Variants in KIF26B observed in about 807,000 individuals in gnomAD.
KIF26B encodes kinesin-like protein KIF26B.
Under a neutral mutation model 151.2 loss-of-function variants are expected in KIF26B, and 63 were observed. That is an observed-to-expected ratio of 0.42 (90% CI 0.34 to 0.51). KIF26B has a LOEUF of 0.51. Among genes scored for constraint, KIF26B ranks in the 20% least tolerant of loss-of-function variants. The pLI is 0.07. For missense variants in KIF26B, 2,813 were observed against 2,913.6 expected (o/e 0.97, Z 0.79); for synonymous variants, 1,357 against 1,262.1 (o/e 1.08, Z -1.59).
intron 3 of KIF26B, among the ~76,000 whole-genome samples, chr1:245,392,221 A>G (rs1320676558): frequency 1.3e-5 from 2 of 152,170 alleles, no homozygotes; most frequent in African/African-American, 4.8e-5. Context: ...CTCTTTCGCC[A>G]CCACCCACCC....
intron 9 of KIF26B, among the ~76,000 whole-genome samples, chr1:245,642,758 G>T (rs561727450): frequency 6.6e-6 from 1 of 152,198 alleles, no homozygotes; most frequent in African/African-American, 2.4e-5. Context: ...TCTCAGCTCA[G>T]AGGGGTGTGT....
At chr1:245,238,022 T>C (rs1352808444) in intron 2 of KIF26B, among the ~76,000 whole-genome samples, 1 of 104,660 alleles carries the variant, frequency 9.6e-6, no homozygotes, top group South Asian at 3.2e-4. Flanking sequence ...CAAGACCCTG[T>C]CTCAAAAAAA....
chr1:245,453,297 C>T (rs948421987), intron 4 of KIF26B, among the ~76,000 whole-genome samples: 1 of 152,072 alleles, frequency 6.6e-6, no homozygotes, highest in African/African-American at 2.4e-5. Context: ...CATACAGAAG[C>T]CTGAGGCAAA....
rs2044839978 is a variant in KIF26B at position 245,706,271 on chromosome 1, C to G, written c.*3665C>G. ...CTGCTCAGACTTTCTGATAAAATCTCAGAGTTCTGTTTGTATTGACCAAAA... is the reference window on the plus strand; with the variant it reads ...CTGCTCAGACTTTCTGATAAAATCTGAGAGTTCTGTTTGTATTGACCAAAA... On this transcript the variant is annotated 3_prime_UTR_variant, in exon 15 of 15. Coordinates refer to ENST00000407071, the MANE Select transcript of KIF26B (RefSeq NM_018012.4). 1.3e-5 allele frequency: 2 copies of G among 152,230 alleles called. No homozygotes were observed. The allele number at this position is 152,230 out of a possible 1,614,324, so 9.4% of individuals were successfully genotyped here. A position where few individuals can be genotyped will look rare whatever the true frequency, so the allele number is the denominator to read the frequency against.
chr1:245,403,776 A>G (rs796115416), intron 3 of KIF26B, among the ~76,000 whole-genome samples: 5 of 152,356 alleles, frequency 3.3e-5, no homozygotes, highest in African/African-American at 1.2e-4. Flanking sequence ...TGCAAATAGC[A>G]TAGTTTTTAA....
chr1:245,280,606 T>G (rs1442630519), intron 2 of KIF26B, among the ~76,000 whole-genome samples: 1 of 146,916 alleles, frequency 6.8e-6, no homozygotes. Flanking sequence ...CGTTTTTTTT[T>G]TTTTTTTTTT....
rs546903346 is a variant in KIF26B at position 245,178,266 on chromosome 1, C to T, written c.465+21583C>T. Among the ~76,000 whole-genome samples the T allele has an allele frequency of 9.9e-5, 15 of 152,268 alleles. No individual in the cohort carries two copies. The South Asian group carries it at 1.0e-3, about 11-fold the overall frequency. On this transcript the variant is annotated intron_variant, in intron 2 of 14. Coordinates refer to ENST00000407071, the MANE Select transcript of KIF26B (RefSeq NM_018012.4). The stretch of plus-strand genomic sequence containing the variant: ...GGAGTTCTAGAGCTTTCAAGCACAA[C>T]CGTATATCCGAGGTTGACTTTGGAG...
At chr1:245,482,512 C>T (rs1163144392) in intron 4 of KIF26B, among the ~76,000 whole-genome samples, 1 of 151,794 alleles carries the variant, frequency 6.6e-6, no homozygotes, top group Admixed American at 6.6e-5. Flanking sequence ...ATACAAACAT[C>T]ATTAACCAAG....
chr1:245,426,392 C>G (rs1300401009), intron 4 of KIF26B, among the ~76,000 whole-genome samples: 1 of 152,162 alleles, frequency 6.6e-6, no homozygotes, highest in Non-Finnish European at 1.5e-5. Flanking sequence ...CTGTTGTCTG[C>G]TTTCTCTTCC....
intron 4 of KIF26B, among the ~76,000 whole-genome samples, chr1:245,424,340 G>A (rs1001932980): frequency 3.3e-5 from 5 of 152,052 alleles, no homozygotes; most frequent in Non-Finnish European, 5.9e-5. Flanking sequence ...TAGAGATGGG[G>A]TTTCATCATG....
At chr1:245,293,598 G>A (rs1671290461) in intron 2 of KIF26B, among the ~76,000 whole-genome samples, 1 of 142,618 alleles carries the variant, frequency 7.0e-6, no homozygotes, top group African/African-American at 2.6e-5. Flanking sequence ...TTTTTTTGGA[G>A]ATGGAGTTTC....
At chr1:245,585,532 G>GA (rs747204236) in intron 5 of KIF26B, among the ~76,000 whole-genome samples, 16,008 of 143,584 alleles carry the variant, frequency 0.11, 921 homozygotes, top group Middle Eastern at 0.19. Context: ...CTCCACTAGG[G>GA]AAAAAAAAAA....
chr1:245,622,914 G>A (rs776342582), intron 9 of KIF26B, among the ~76,000 whole-genome samples: 2 of 152,068 alleles, frequency 1.3e-5, no homozygotes, highest in Non-Finnish European at 2.9e-5. Flanking sequence ...GGCCTTCTCC[G>A]GCTGCTTCGT....
chr1:245,419,844 G>A, intron 4 of KIF26B, 99 bp downstream of exon 4: 3 of 1,129,138 alleles, frequency 2.7e-6, no homozygotes, highest in Non-Finnish European at 2.6e-6. Flanking sequence ...AGAGTTTGGG[G>A]CCGTTCTGTG....
At chr1:245,679,116 A>AT (rs950890801) in intron 10 of KIF26B, among the ~76,000 whole-genome samples, 1 of 152,116 alleles carries the variant, frequency 6.6e-6, no homozygotes, top group Non-Finnish European at 1.5e-5. Flanking sequence ...GGTAGCGAGC[A>AT]TTTTTGGCTT....
intron 2 of KIF26B, among the ~76,000 whole-genome samples, chr1:245,186,320 CT>C (rs1459397356): frequency 2.6e-5 from 4 of 152,224 alleles, no homozygotes; most frequent in Admixed American, 2.0e-4. Flanking sequence ...GGAAAAGCCA[CT>C]TTCGCAAAGA....
intron 3 of KIF26B, among the ~76,000 whole-genome samples, chr1:245,379,344 A>G (rs541759063): frequency 2.0e-5 from 3 of 152,354 alleles, no homozygotes; most frequent in East Asian, 1.9e-4. Flanking sequence ...GAGGGAAAGC[A>G]GCAAATAGAT....
In KIF26B at chr1:245,688,284, G is replaced by A. The variant is rs752589693; in HGVS notation, c.5301G>A (p.Val1767=). Residue 1767 remains valine, a synonymous_variant, in exon 12 of 15, where the codon GTG becomes GTA. Transcript: ENST00000407071. ...SFSTKSLPQA[V]GQGSSSPPGG... The stretch of plus-strand genomic sequence containing the variant: ...CCACCAAGTCCCTGCCGCAGGCGGT[G>A]GGCCAGGGCTCCAGCTCGCCCCCCG... 6.3e-7 allele frequency: 1 copy of A among 1,596,248 alleles called. No individual in the cohort carries two copies.
At chr1:245,532,395 G>T (rs543398891) in intron 4 of KIF26B, among the ~76,000 whole-genome samples, 1 of 151,466 alleles carries the variant, frequency 6.6e-6, no homozygotes. Flanking sequence ...ACAGGCGCCC[G>T]CCACCATGCC....
Sources: gnomAD v4.1 joint callset for allele counts (sites outside exome capture counted in the v4.1 genomes callset) on GRCh38, gnomAD v4.1.1 for gene constraint, MANE v1.5 for transcripts, NCBI Gene and HGNC (gene_info 2026-07-23, HGNC 2026-07-21) for gene names.